The following NEGR1 variants were observed in gnomAD, a reference collection of about 807,000 sequenced individuals.
NEGR1 encodes the protein IgLON family member 4.
NEGR1 carries 10 observed loss-of-function variants against 40.9 expected under a neutral mutation model. The ratio of observed to expected loss-of-function variants is 0.24; its 90% CI spans 0.15 to 0.42. NEGR1 has a LOEUF of 0.42. Among genes scored for constraint, NEGR1 ranks in the 10% least tolerant of loss-of-function variants. The pLI is 1.00. For missense variants in NEGR1, 352 were observed against 438.9 expected (o/e 0.80, Z 1.77); for synonymous variants, 185 against 166.8 (o/e 1.11, Z -0.84).
In NEGR1 at chr1:71,970,899, C is replaced by T. The variant is rs371157383; in HGVS notation, c.177-35588G>A. On this transcript the variant is annotated intron_variant, in intron 1 of 6. Transcript: ENST00000357731. ...TGTTTGAAGAGAGCATTCAGCTCCA[C>T]CATTGTACTGGTAGGAAAGGTGTTT... Among the ~76,000 whole-genome samples, 12 of 152,238 alleles carry T rather than the reference C, an allele frequency of 7.9e-5. No homozygotes were observed. The East Asian group carries it at 9.7e-4, about 12-fold the overall frequency.
chr1:71,437,055 T>G (rs1305316381), intron 6 of NEGR1, among the ~76,000 whole-genome samples: 1 of 152,058 alleles, frequency 6.6e-6, no homozygotes, highest in Non-Finnish European at 1.5e-5. Context: ...TAAGCTATAA[T>G]CATAACCCTA....
intron 1 of NEGR1, among the ~76,000 whole-genome samples, chr1:71,994,955 C>G (rs892098317): frequency 3.7e-5 from 4 of 107,258 alleles, no homozygotes; most frequent in Non-Finnish European, 7.1e-5. Context: ...TATGGCAATG[C>G]AATATAAGCA....
intron 6 of NEGR1, among the ~76,000 whole-genome samples, chr1:71,494,654 G>T (rs1646950199): frequency 6.6e-6 from 1 of 152,062 alleles, no homozygotes; most frequent in African/African-American, 2.4e-5. Context: ...GTGGTCCTGG[G>T]GACCCAGGAA....
chr1:71,960,114 C>A (rs1455092266), intron 1 of NEGR1, among the ~76,000 whole-genome samples: 2 of 152,070 alleles, frequency 1.3e-5, no homozygotes, highest in African/African-American at 4.8e-5. Context: ...ATGTCATTGG[C>A]ATTCACATAT....
intron 3 of NEGR1, among the ~76,000 whole-genome samples, chr1:71,698,928 T>A (rs1409187713): frequency 6.6e-6 from 1 of 151,886 alleles, no homozygotes; most frequent in Non-Finnish European, 1.5e-5. Flanking sequence ...GAATTTTTGT[T>A]TATTTGAAAG....
chr1:71,592,583 C>T (rs1185166474), intron 6 of NEGR1, among the ~76,000 whole-genome samples: 1 of 152,118 alleles, frequency 6.6e-6, no homozygotes, highest in African/African-American at 2.4e-5. Context: ...CCTTTCTCAG[C>T]TCTAACATAT....
chr1:71,800,203 T>C (rs1657503860), intron 2 of NEGR1, among the ~76,000 whole-genome samples: 2 of 152,352 alleles, frequency 1.3e-5, no homozygotes, highest in Middle Eastern at 3.4e-3. Context: ...TGTTTGTTTT[T>C]TTCTTGTAAA....
At chr1:71,426,091 T>C (rs1419267595) in intron 6 of NEGR1, among the ~76,000 whole-genome samples, 1 of 152,214 alleles carries the variant, frequency 6.6e-6, no homozygotes, top group Non-Finnish European at 1.5e-5. Flanking sequence ...TAATGAGTAA[T>C]GCCTTAGCTC....
At chr1:71,951,141 A>T (rs1200690775) in intron 1 of NEGR1, among the ~76,000 whole-genome samples, 2 of 151,768 alleles carry the variant, frequency 1.3e-5, no homozygotes, top group South Asian at 2.1e-4. Context: ...GAATGGATTA[A>T]TTTTTTTTGA....
In NEGR1 at chr1:72,046,160, G is replaced by A. The variant is rs1647000194; in HGVS notation, c.177-110849C>T. On this transcript the variant is annotated intron_variant, in intron 1 of 6. Coordinates refer to ENST00000357731, the MANE Select transcript of NEGR1 (RefSeq NM_173808.3). ...CAAAGTTCATTTGTACATAGTCTTAGTCCTAACAAATATGAATGTCCTATA... is the reference window on the plus strand; with the variant it reads ...CAAAGTTCATTTGTACATAGTCTTAATCCTAACAAATATGAATGTCCTATA... 2.0e-5 allele frequency among the ~76,000 whole-genome samples: 3 copies of A among 151,582 alleles called. No homozygotes were observed. The Admixed American group carries it at 2.0e-4, about 10-fold the overall frequency.
At chr1:71,781,417 G>A (rs1392266778) in intron 2 of NEGR1, among the ~76,000 whole-genome samples, 3 of 152,070 alleles carry the variant, frequency 2.0e-5, no homozygotes, top group Non-Finnish European at 4.4e-5. Flanking sequence ...TAAATAAAAG[G>A]CATAAACTAT....
At chr1:71,592,708 A>T in intron 6 of NEGR1, 109 bp downstream of exon 6, 1 of 793,446 alleles carries the variant, frequency 1.3e-6, no homozygotes, top group South Asian at 2.0e-5. Context: ...AATGTGTCAC[A>T]TCAGGTTGAG....
chr1:71,619,264 T>A (rs1355517208), intron 4 of NEGR1, among the ~76,000 whole-genome samples: 1 of 152,090 alleles, frequency 6.6e-6, no homozygotes, highest in Non-Finnish European at 1.5e-5. Flanking sequence ...CTTAGAAAGA[T>A]GATCAAATGA....
At chr1:71,915,042 C>T (rs1037262484) in intron 2 of NEGR1, among the ~76,000 whole-genome samples, 5 of 151,886 alleles carry the variant, frequency 3.3e-5, no homozygotes, top group African/African-American at 1.2e-4. Flanking sequence ...AAAGTTTTTT[C>T]CAATTTGGGC....
chr1:71,620,873 G>T (rs898180789), intron 4 of NEGR1, among the ~76,000 whole-genome samples: 4 of 151,872 alleles, frequency 2.6e-5, no homozygotes, highest in African/African-American at 9.7e-5. Flanking sequence ...AACATTTACT[G>T]TCTGAAGTAC....
chr1:71,536,308 G>T lies in NEGR1; in HGVS notation c.940+56509C>A, dbSNP rs760067881. ...TGATGCCCATGGTGTTTGGGCTACG[G>T]AAGTGGATCCCTCGTGGATGGCTTG... is the stretch of plus-strand genomic sequence containing the variant. On this transcript the variant is annotated intron_variant, in intron 6 of 6. Transcript: ENST00000357731. Among the ~76,000 whole-genome samples, 4 of 151,680 alleles carry T rather than the reference G, an allele frequency of 2.6e-5. No homozygotes were observed. In the South Asian group the frequency reaches 8.3e-4, roughly 31 times the overall value.
chr1:72,089,398 A>G (rs1295712995), intron 1 of NEGR1, among the ~76,000 whole-genome samples: 1 of 152,178 alleles, frequency 6.6e-6, no homozygotes, highest in Admixed American at 6.5e-5. Flanking sequence ...ATAAACATAT[A>G]ATAATTTTTA....
At chr1:71,509,266 T>A (rs1647057431) in intron 6 of NEGR1, among the ~76,000 whole-genome samples, 1 of 152,194 alleles carries the variant, frequency 6.6e-6, no homozygotes, top group African/African-American at 2.4e-5. Flanking sequence ...AGGACAAGGA[T>A]GCATGGGGAA....
chr1:71,585,884 C>T (rs1649291265), intron 6 of NEGR1, among the ~76,000 whole-genome samples: 1 of 151,982 alleles, frequency 6.6e-6, no homozygotes, highest in Middle Eastern at 3.2e-3. Context: ...TTATATAGAT[C>T]TGTGCTTGCC....
Sources: gnomAD v4.1 joint callset for allele counts (sites outside exome capture counted in the v4.1 genomes callset) on GRCh38, gnomAD v4.1.1 for gene constraint, MANE v1.5 for transcripts, NCBI Gene and HGNC (gene_info 2026-07-23, HGNC 2026-07-21) for gene names.